Variants in ANKRD44 observed in about 807,000 individuals in gnomAD.
ANKRD44 encodes serine/threonine-protein phosphatase 6 regulatory ankyrin repeat subunit B.
ANKRD44 carries 35 observed loss-of-function variants against 116.0 expected under a neutral mutation model. That is an observed-to-expected ratio of 0.30 (90% CI 0.23 to 0.40). ANKRD44 has a LOEUF of 0.40. Among genes scored for constraint, ANKRD44 ranks in the 10% least tolerant of loss-of-function variants. The probability of loss-of-function intolerance (pLI) is 1.00; values close to 1 mark genes in which losing one functional copy is unlikely to be tolerated. For synonymous variants in ANKRD44, 435 were observed against 461.8 expected, an observed-to-expected ratio of 0.94 and a Z score of 0.74; for missense variants, 1,014 against 1,242.6, an observed-to-expected ratio of 0.82 and a Z score of 2.77.
At chr2:196,999,327 G>A (rs1574245632) in intron 23 of ANKRD44, among the ~76,000 whole-genome samples, 1 of 152,186 alleles carries the variant, frequency 6.6e-6, no homozygotes, top group Non-Finnish European at 1.5e-5. Context: ...AAGTTCCAGT[G>A]AGTCTACTTT....
chr2:197,230,708 T>C (rs1159504789), intron 1 of ANKRD44, among the ~76,000 whole-genome samples: 1 of 152,214 alleles, frequency 6.6e-6, no homozygotes, highest in Admixed American at 6.5e-5. Flanking sequence ...AGTTTCTTTC[T>C]TTCTCATGTT....
intron 1 of ANKRD44, among the ~76,000 whole-genome samples, chr2:197,226,289 G>A (rs2081711095): frequency 6.6e-6 from 1 of 152,214 alleles, no homozygotes. Context: ...ATGCCAGGGT[G>A]TATCCACACC....
intron 2 of ANKRD44, chr2:197,147,722 C>G (rs1027335010): frequency 7.9e-6 from 2 of 252,826 alleles, no homozygotes; most frequent in Non-Finnish European, 1.6e-5. Flanking sequence ...AGTGGGAAGG[C>G]TGACAATAGT....
At chr2:196,998,243 G>A in intron 25 of ANKRD44, 94 bp downstream of exon 25, 1 of 897,608 alleles carries the variant, frequency 1.1e-6, no homozygotes, top group African/African-American at 1.7e-5. Flanking sequence ...TTAATTAAGA[G>A]CCATGCTACA....
intron 3 of ANKRD44, among the ~76,000 whole-genome samples, chr2:197,139,488 T>C (rs1427135359): frequency 6.6e-6 from 1 of 152,154 alleles, no homozygotes; most frequent in African/African-American, 2.4e-5. Context: ...AAATAAAAGT[T>C]TAAAATATGG....
intron 7 of ANKRD44, 97 bp downstream of exon 7, chr2:197,122,553 C>T: frequency 6.9e-7 from 1 of 1,453,712 alleles, no homozygotes; most frequent in Non-Finnish European, 9.2e-7. Context: ...AACAATTCCC[C>T]TGCCCTTGAA....
intron 1 of ANKRD44, among the ~76,000 whole-genome samples, chr2:197,202,703 A>C (rs1440188070): frequency 6.6e-6 from 1 of 152,036 alleles, no homozygotes; most frequent in Non-Finnish European, 1.5e-5. Context: ...CCTCCCAAAT[A>C]GCTGGGACTA....
chr2:196,986,497 A>C (rs1171201730), downstream of ANKRD44, among the ~76,000 whole-genome samples: 2 of 152,348 alleles, frequency 1.3e-5, no homozygotes, highest in East Asian at 1.9e-4. Context: ...TATATGTTTG[A>C]ATTTTTTCTC....
intron 16 of ANKRD44, among the ~76,000 whole-genome samples, chr2:197,048,639 G>T (rs930589914): frequency 6.6e-6 from 1 of 152,088 alleles, no homozygotes; most frequent in Non-Finnish European, 1.5e-5. Context: ...GAATAGTGCC[G>T]CAATAAACAT....
intron 21 of ANKRD44, among the ~76,000 whole-genome samples, chr2:196,970,380 A>T (rs2075706785): frequency 6.6e-6 from 1 of 152,142 alleles, no homozygotes; most frequent in Non-Finnish European, 1.5e-5. Flanking sequence ...ACTGAGTCAA[A>T]TCTCCGTGTT....
intron 21 of ANKRD44, among the ~76,000 whole-genome samples, chr2:197,003,988 C>T (rs1353773986): frequency 6.6e-6 from 1 of 152,148 alleles, no homozygotes; most frequent in Non-Finnish European, 1.5e-5. Flanking sequence ...TTAGAACACA[C>T]ACACACACAC....
At chr2:197,040,872 C>T (rs1480348258) in intron 16 of ANKRD44, among the ~76,000 whole-genome samples, 1 of 152,196 alleles carries the variant, frequency 6.6e-6, no homozygotes, top group African/African-American at 2.4e-5. Context: ...CCTTGGAAAG[C>T]TTTAGCATCT....
At chr2:197,122,611 A>G (rs756309016) in intron 7 of ANKRD44, 39 bp downstream of exon 7, 80 of 1,590,528 alleles carry the variant, frequency 5.0e-5, no homozygotes, top group Non-Finnish European at 6.7e-5. Context: ...AATCTTACAA[A>G]TACACTGGCC....
chr2:197,077,520 G>A (rs182011392), intron 16 of ANKRD44, among the ~76,000 whole-genome samples: 95 of 152,274 alleles, frequency 6.2e-4, no homozygotes, highest in Middle Eastern at 3.4e-3. Flanking sequence ...TTTTGATTGG[G>A]AGGGGTTGGG....
chr2:197,296,025 C>G (rs1198149024), intron 1 of ANKRD44, among the ~76,000 whole-genome samples: 1 of 151,846 alleles, frequency 6.6e-6, no homozygotes, highest in Non-Finnish European at 1.5e-5. Flanking sequence ...GCCTAGGTGG[C>G]AGATTGAGAC....
At chr2:197,211,150 A>G (rs575182862) in intron 1 of ANKRD44, among the ~76,000 whole-genome samples, 6 of 152,172 alleles carry the variant, frequency 3.9e-5, no homozygotes, top group Non-Finnish European at 5.9e-5. Flanking sequence ...CTGGGAGATC[A>G]CAGGAGTTGC....
At chr2:197,128,526 T>C (rs536092328) in intron 4 of ANKRD44, among the ~76,000 whole-genome samples, 4 of 152,382 alleles carry the variant, frequency 2.6e-5, no homozygotes, top group African/African-American at 9.6e-5. Flanking sequence ...CCTTGTAGAC[T>C]CTGGATATTA....
intron 2 of ANKRD44, among the ~76,000 whole-genome samples, chr2:197,161,608 A>G (rs1224171446): frequency 6.6e-6 from 1 of 152,074 alleles, no homozygotes; most frequent in Non-Finnish European, 1.5e-5. Context: ...TGGATTAAAC[A>G]CTAATATATA....
chr2:197,290,002 AG>A (rs1391817087), intron 1 of ANKRD44, among the ~76,000 whole-genome samples: 1 of 152,002 alleles, frequency 6.6e-6, no homozygotes, highest in Non-Finnish European at 1.5e-5. Context: ...CTGAGATTAC[AG>A]GTGCCCGCCA....
Sources: gnomAD v4.1 joint callset for allele counts (sites outside exome capture counted in the v4.1 genomes callset) on GRCh38, gnomAD v4.1.1 for gene constraint, MANE v1.5 for transcripts, NCBI Gene and HGNC (gene_info 2026-07-23, HGNC 2026-07-21) for gene names.